Variants in DSCAM observed in about 807,000 individuals in gnomAD.
The protein encoded by DSCAM is cell adhesion molecule DSCAM.
Under a neutral mutation model 217.7 loss-of-function variants are expected in DSCAM, and 47 were observed. The observed-to-expected ratio is 0.22, with a 90% CI of 0.17 to 0.28. DSCAM has a LOEUF of 0.28. Among genes scored for constraint, DSCAM ranks in the 10% least tolerant of loss-of-function variants. The pLI, the probability that DSCAM is intolerant of heterozygous loss-of-function variation, is 1.00. For synonymous variants in DSCAM, 1,056 were observed against 1,015.3 expected (o/e 1.04, Z -0.76); for missense variants, 2,080 against 2,618.3 (o/e 0.79, Z 4.49).
chr21:40,581,063 TA>T (rs2076901756), intron 3 of DSCAM, among the ~76,000 whole-genome samples: 1 of 152,128 alleles, frequency 6.6e-6, no homozygotes, highest in Non-Finnish European at 1.5e-5. Flanking sequence ...AATAATATAG[TA>T]TAGAAAAACA....
intron 9 of DSCAM, among the ~76,000 whole-genome samples, chr21:40,305,026 T>C (rs35579604): frequency 0.019 from 2,962 of 152,198 alleles, 56 homozygotes; most frequent in Non-Finnish European, 0.029. Flanking sequence ...ATGGTCCCCA[T>C]AGACTTGCTC....
At chr21:40,704,657 A>G (rs1369732480) in intron 2 of DSCAM, among the ~76,000 whole-genome samples, 5 of 152,172 alleles carry the variant, frequency 3.3e-5, no homozygotes, top group East Asian at 1.9e-4. Flanking sequence ...TTGAGGCTGC[A>G]GTGAGCCACG....
At chr21:40,736,811 G>GCT (rs1569010199) in intron 1 of DSCAM, among the ~76,000 whole-genome samples, 24 of 151,864 alleles carry the variant, frequency 1.6e-4, no homozygotes, top group African/African-American at 5.1e-4. Flanking sequence ...ATAGCATAGG[G>GCT]TTTTTTTTGC....
rs2073723531 is a variant in DSCAM, at chr21:40,278,833, TGATCATTATG to T, written c.2183-2573_2183-2564del. ...CCTAGCATATAGTGATAAATGTTGG[TGATCATTATG>T]AGGAAATAAGATAGTCTAAAAAACT... On this transcript the variant is annotated intron_variant, in intron 10 of 32. Transcript: ENST00000400454. Among the ~76,000 whole-genome samples, 2 of 152,286 alleles carry T rather than the reference TGATCATTATG, an allele frequency of 1.3e-5. 1 individual carries two copies. Among genetic ancestry groups the T allele is most frequent in the South Asian group, 4.1e-4 (2 of 4,824 alleles).
chr21:40,517,103 C>T lies in DSCAM; in HGVS notation c.509-147858G>A, dbSNP rs547971715. Among the ~76,000 whole-genome samples the T allele has an allele frequency of 3.1e-3, 463 of 147,022 alleles. 3 individuals are homozygous for T. The highest frequency in any genetic ancestry group is 0.011 in the African/African-American group (439 of 40,130). Reference sequence around the variant, plus strand: ...ACATATATATGCACTCACATATATACCCCCACACATACCTTATGTGTATAT... The same window carrying T: ...ACATATATATGCACTCACATATATATCCCCACACATACCTTATGTGTATAT... On this transcript the variant is annotated intron_variant, in intron 3 of 32. Transcript: ENST00000400454.
intron 3 of DSCAM, among the ~76,000 whole-genome samples, chr21:40,380,444 A>C (rs751621112): frequency 6.6e-6 from 1 of 152,212 alleles, no homozygotes; most frequent in Non-Finnish European, 1.5e-5. Flanking sequence ...CTGACATTTG[A>C]AAGCAAATAT....
chr21:40,727,968 C>T (rs185667716), intron 1 of DSCAM, among the ~76,000 whole-genome samples: 19 of 152,296 alleles, frequency 1.2e-4, no homozygotes, highest in Admixed American at 1.2e-3. Context: ...TCTCCCTCCA[C>T]CTGGGATGTT....
chr21:40,586,025 T>A (rs375107566), intron 3 of DSCAM, among the ~76,000 whole-genome samples: 2 of 152,090 alleles, frequency 1.3e-5, no homozygotes, highest in African/African-American at 4.8e-5. Flanking sequence ...CCCAGCTAAT[T>A]TTTGTATTTT....
intron 3 of DSCAM, among the ~76,000 whole-genome samples, chr21:40,386,716 T>C (rs1403672865): frequency 1.3e-5 from 2 of 152,248 alleles, no homozygotes; most frequent in African/African-American, 4.8e-5. Flanking sequence ...TAGAAACTCG[T>C]GATCAGCAAA....
chr21:40,608,910 TG>T (rs1301087231), intron 3 of DSCAM, among the ~76,000 whole-genome samples: 20 of 152,146 alleles, frequency 1.3e-4, no homozygotes, highest in Admixed American at 1.3e-3. Context: ...AAGTTCTTTC[TG>T]GGTAAAGTGT....
At chr21:40,135,644 T>A (rs991897672) in intron 18 of DSCAM, among the ~76,000 whole-genome samples, 14 of 152,266 alleles carry the variant, frequency 9.2e-5, no homozygotes, top group Non-Finnish European at 2.1e-4. Flanking sequence ...CTCATTGTTT[T>A]TCTTTTCTCT....
intron 1 of DSCAM, among the ~76,000 whole-genome samples, chr21:40,775,172 T>C (rs1297920040): frequency 3.3e-5 from 5 of 152,030 alleles, no homozygotes; most frequent in African/African-American, 4.8e-5. Context: ...AAATCCCTAA[T>C]ATCTAAAATC....
At chr21:40,019,531 G>A (rs1351957763) in intron 32 of DSCAM, among the ~76,000 whole-genome samples, 2 of 152,144 alleles carry the variant, frequency 1.3e-5, no homozygotes, top group African/African-American at 4.8e-5. Context: ...CAGGGAGCAG[G>A]GCCTTCTTGG....
rs372314450 is a variant in DSCAM at position 40,472,064 on chromosome 21, A to C, written c.509-102819T>G. ...CGGTGTTTGGTTTTTTGTCCAAAAC[A>C]GAGATATAGACCAATGGCACAGAAA... On this transcript the variant is annotated intron_variant, in intron 3 of 32. Transcript: ENST00000400454. Among the ~76,000 whole-genome samples the C allele has an allele frequency of 3.0e-4, 46 of 152,312 alleles. No individual in the cohort carries two copies. The South Asian group carries it at 9.1e-3, about 30-fold the overall frequency.
chr21:40,489,276 T>G (rs2076055073), intron 3 of DSCAM, among the ~76,000 whole-genome samples: 1 of 152,148 alleles, frequency 6.6e-6, no homozygotes, highest in Non-Finnish European at 1.5e-5. Flanking sequence ...AACAGGAAAC[T>G]GAGCTCCCTC....
intron 3 of DSCAM, among the ~76,000 whole-genome samples, chr21:40,507,138 A>G (rs4816688): frequency 0.77 from 116,946 of 151,954 alleles, 45,839 homozygotes; most frequent in African/African-American, 0.93. Flanking sequence ...TTAGCCAGGC[A>G]TGGTGGCACA....
At chr21:40,039,166 A>G (rs867750034) in intron 32 of DSCAM, among the ~76,000 whole-genome samples, 86 of 145,376 alleles carry the variant, frequency 5.9e-4, no homozygotes, top group Middle Eastern at 7.2e-3. Context: ...TTAAAGTATA[A>G]TAATAAAGAA....
intron 11 of DSCAM, among the ~76,000 whole-genome samples, chr21:40,200,370 C>G (rs1164551816): frequency 6.6e-6 from 1 of 152,210 alleles, no homozygotes; most frequent in Non-Finnish European, 1.5e-5. Context: ...TTTGACTTCT[C>G]TGGGGACCTC....
chr21:40,753,931 C>T (rs1014865865), intron 1 of DSCAM, among the ~76,000 whole-genome samples: 4 of 152,192 alleles, frequency 2.6e-5, no homozygotes, highest in African/African-American at 9.7e-5. Flanking sequence ...TGACCTTGAG[C>T]TTCCACTTAA....
Sources: allele counts gnomAD v4.1 joint callset (sites outside exome capture counted in the v4.1 genomes callset), GRCh38; gene constraint gnomAD v4.1.1; transcripts MANE v1.5; gene names NCBI Gene and HGNC (gene_info 2026-07-23, HGNC 2026-07-21).